Variants in PSMA8 observed in about 807,000 individuals in gnomAD.
PSMA8 encodes the protein proteasome 20S subunit alpha 8, also known as proteasome subunit alpha-type 8.
PSMA8 carries 18 observed loss-of-function variants against 32.4 expected under a neutral mutation model. The ratio of observed to expected loss-of-function variants is 0.56; its 90% CI spans 0.38 to 0.82. The LOEUF is 0.82. Ranked by LOEUF, PSMA8 falls within the 40% of genes least tolerant of loss-of-function variation. The pLI, the probability that PSMA8 is intolerant of heterozygous loss-of-function variation, is 0.00. For synonymous variants in PSMA8, 104 were observed against 98.1 expected, an observed-to-expected ratio of 1.06 and a Z score of -0.36; for missense variants, 298 against 300.7, an observed-to-expected ratio of 0.99 and a Z score of 0.07.
chr18:26,165,686 AT>A (rs1265701185), intron 4 of PSMA8, among the ~76,000 whole-genome samples: 1 of 151,906 alleles, frequency 6.6e-6, no homozygotes, highest in Non-Finnish European at 1.5e-5. Flanking sequence ...AAAAAAAAAA[AT>A]CTCTACCTTT....
At chr18:26,137,493 G>T (rs2054921550) in intron 1 of PSMA8, among the ~76,000 whole-genome samples, 1 of 152,160 alleles carries the variant, frequency 6.6e-6, no homozygotes, top group Admixed American at 6.5e-5. Context: ...GAGTTGATGT[G>T]AAAGTTGAAT....
intron 4 of PSMA8, among the ~76,000 whole-genome samples, chr18:26,165,928 T>G (rs2055175098): frequency 6.6e-6 from 1 of 151,870 alleles, no homozygotes; most frequent in South Asian, 2.1e-4. Context: ...AAACCCCATC[T>G]CTACTAAAAA....
chr18:26,172,463 G>A (rs1213064434), intron 4 of PSMA8, among the ~76,000 whole-genome samples: 1 of 152,142 alleles, frequency 6.6e-6, no homozygotes, highest in African/African-American at 2.4e-5. Context: ...GAACTGACTT[G>A]CAGGCTATAA....
rs988524918 is a variant in PSMA8 at position 26,144,572 on chromosome 18, G to A, written c.116G>A (p.Gly39Asp). 8.7e-6 allele frequency: 14 copies of A among 1,612,788 alleles called. No individual in the cohort carries two copies. The highest frequency in any genetic ancestry group is 1.1e-5 in the Non-Finnish European group (13 of 1,178,996). ...KKGSTAVGIRGTNIVVLGVEK... is the reference protein window; with the variant it reads ...KKGSTAVGIRDTNIVVLGVEK... ...ATGACTTGACAGGTCGGAATTCGAG[G>A]TACCAATATAGTTGTTCTTGGGGTA... Residue 39 changes from glycine to aspartate, a missense_variant, in exon 2 of 7, where the codon GGT (glycine) becomes GAT (aspartate). Transcript: ENST00000415576.
chr18:26,190,035 C>G (rs2055388804), intron 6 of PSMA8, among the ~76,000 whole-genome samples: 1 of 152,034 alleles, frequency 6.6e-6, no homozygotes, highest in African/African-American at 2.4e-5. Context: ...TTAAATAAGG[C>G]AGGCATGGAA....
chr18:26,177,487 A>C (rs1202191479), intron 4 of PSMA8, among the ~76,000 whole-genome samples: 1 of 152,218 alleles, frequency 6.6e-6, no homozygotes, highest in Admixed American at 6.5e-5. Flanking sequence ...TAATCCATGT[A>C]AAATGCCTAA....
intron 4 of PSMA8, among the ~76,000 whole-genome samples, chr18:26,174,428 C>T (rs1356429855): frequency 1.3e-5 from 2 of 152,128 alleles, no homozygotes; most frequent in Non-Finnish European, 2.9e-5. Flanking sequence ...ATATTCAAAA[C>T]TTTGTTTCAG....
Position 26,158,170 on chromosome 18 carries a change from A to T in PSMA8, c.403A>T (p.Ile135Phe). ...AAGACCTTTTGGTATTTCTGCCTTA[A>T]TTGTAGGTTTTGATGATGATGGTAT... ...GRRPFGISALIVGFDDDGISR... is the reference protein window; with the variant it reads ...GRRPFGISALFVGFDDDGISR... Residue 135 changes from isoleucine to phenylalanine, a missense_variant, in exon 4 of 7, where the codon ATT becomes TTT. By Grantham distance (21) the Ile-to-Phe change is conservative (BLOSUM62 0). Coordinates refer to ENST00000415576, the MANE Select transcript of PSMA8 (RefSeq NM_001025096.2). The T allele has an allele frequency of 6.2e-7, 1 of 1,607,276 alleles. No individual in the cohort carries two copies. Among genetic ancestry groups the T allele is most frequent in the Non-Finnish European group, 8.5e-7 (1 of 1,174,292 alleles).
At chr18:26,144,740 C>T (rs1305948213) in intron 2 of PSMA8, 55 bp downstream of exon 2, 3 of 1,506,544 alleles carry the variant, frequency 2.0e-6, no homozygotes, top group Non-Finnish European at 2.8e-6. Context: ...TAGGGCAACA[C>T]AGTTAACCTC....
chr18:26,154,223 T>C (rs2055068818), intron 3 of PSMA8, among the ~76,000 whole-genome samples: 1 of 152,202 alleles, frequency 6.6e-6, no homozygotes, highest in South Asian at 2.1e-4. Context: ...TTTGTTTTTA[T>C]AGAGATTTTT....
intron 2 of PSMA8, among the ~76,000 whole-genome samples, chr18:26,148,978 A>G (rs8099270): frequency 0.11 from 17,083 of 152,052 alleles, 1,535 homozygotes; most frequent in African/African-American, 0.23. Flanking sequence ...TCCTGAATGC[A>G]GGTGTGTGCC....
chr18:26,180,079 C>T (rs867975076), intron 6 of PSMA8, among the ~76,000 whole-genome samples: 4 of 151,796 alleles, frequency 2.6e-5, no homozygotes, highest in African/African-American at 7.3e-5. Context: ...AGTGAAACCC[C>T]GTCTCTACTA....
chr18:26,141,004 A>G (rs1450784275), intron 1 of PSMA8, among the ~76,000 whole-genome samples: 1 of 152,208 alleles, frequency 6.6e-6, no homozygotes, highest in East Asian at 1.9e-4. Flanking sequence ...TACTTTTAAA[A>G]TTGTTACTTT....
chr18:26,143,572 G>T (rs146849305), intron 1 of PSMA8, among the ~76,000 whole-genome samples: 4 of 152,266 alleles, frequency 2.6e-5, no homozygotes, highest in Admixed American at 2.0e-4. Flanking sequence ...TGAGCTTGTC[G>T]TAGACCTTAT....
At chr18:26,178,786 T>C in intron 4 of PSMA8, 44 bp from the exon 5 acceptor site, 1 of 1,568,024 alleles carries the variant, frequency 6.4e-7, no homozygotes, top group Non-Finnish European at 8.7e-7. Context: ...CATAAATTCA[T>C]TCCTACTGCA....
At position 26,178,840 on chromosome 18, in the gene PSMA8, T is replaced by C; in HGVS notation, c.488T>C (p.Ile163Thr). 1 of 1,609,122 alleles carries C rather than the reference T, an allele frequency of 6.2e-7. No homozygotes were observed. Among genetic ancestry groups the C allele is most frequent in the East Asian group, 2.2e-5 (1 of 44,814 alleles). ...GTYHAWKANA[I>T]GRSAKTVREF... ...CTTTTATTTTTCAAGGCAAATGCAATAGGCCGAAGTGCTAAAACTGTTCGA... is the reference window on the plus strand; with the variant it reads ...CTTTTATTTTTCAAGGCAAATGCAACAGGCCGAAGTGCTAAAACTGTTCGA... The change falls in exon 5 of 7, where the codon ATA becomes ACA. Residue 163 changes from isoleucine to threonine, a missense_variant. Ile to Thr is a moderately conservative substitution (Grantham distance 89, BLOSUM62 -1). Coordinates refer to ENST00000415576, the MANE Select transcript of PSMA8 (RefSeq NM_001025096.2).
At chr18:26,154,991 G>A (rs71368652) in intron 3 of PSMA8, among the ~76,000 whole-genome samples, 7,874 of 152,156 alleles carry the variant, frequency 0.052, 224 homozygotes, top group East Asian at 0.12. Flanking sequence ...ACTTCGGGAG[G>A]CCAAGGTGGG....
intron 4 of PSMA8, among the ~76,000 whole-genome samples, chr18:26,159,244 G>T (rs1351269271): frequency 2.0e-5 from 3 of 152,112 alleles, no homozygotes; most frequent in Non-Finnish European, 4.4e-5. Context: ...GTTAAATGAA[G>T]AATTTGATTT....
At chr18:26,155,740 G>C (rs2055083845) in intron 3 of PSMA8, among the ~76,000 whole-genome samples, 1 of 152,120 alleles carries the variant, frequency 6.6e-6, no homozygotes, top group Non-Finnish European at 1.5e-5. Flanking sequence ...CCTTGGGCTA[G>C]GCAAATATTT....
Sources: gnomAD v4.1 joint callset for allele counts (sites outside exome capture counted in the v4.1 genomes callset) on GRCh38, gnomAD v4.1.1 for gene constraint, MANE v1.5 for transcripts, NCBI Gene and HGNC (gene_info 2026-07-23, HGNC 2026-07-21) for gene names.